GAP43: variants seen among roughly 807,000 people sequenced by gnomAD.
GAP43 encodes growth associated protein 43.
Under a neutral mutation model 18.6 loss-of-function variants are expected in GAP43, and 6 were observed. The observed-to-expected ratio is 0.32, with a 90% CI of 0.18 to 0.64. GAP43 has a LOEUF of 0.64. GAP43 is among the 30% of genes least tolerant of loss of function. The pLI, the probability that GAP43 is intolerant of heterozygous loss-of-function variation, is 0.78. For missense variants in GAP43, 292 were observed against 295.5 expected (o/e 0.99, Z 0.09); for synonymous variants, 115 against 111.4 (o/e 1.03, Z -0.20).
At chr3:115,635,816 G>C (rs779451130) in intron 1 of GAP43, among the ~76,000 whole-genome samples, 1 of 151,776 alleles carries the variant, frequency 6.6e-6, no homozygotes, top group Non-Finnish European at 1.5e-5. Flanking sequence ...TTAGTGGAAC[G>C]AAACTATTGA....
At chr3:115,660,255 C>T (rs1331929358) in intron 1 of GAP43, among the ~76,000 whole-genome samples, 3 of 152,210 alleles carry the variant, frequency 2.0e-5, no homozygotes, top group Admixed American at 1.3e-4. Context: ...TTTGGAGATC[C>T]TCATGTTGTA....
chr3:115,680,343 C>T (rs960415913), intron 2 of GAP43, among the ~76,000 whole-genome samples: 3 of 152,072 alleles, frequency 2.0e-5, no homozygotes, highest in African/African-American at 7.2e-5. Flanking sequence ...GAGGTCCCAG[C>T]CACTCTGGAG....
At chr3:115,717,315 C>CTTT (rs34080211) in intron 2 of GAP43, among the ~76,000 whole-genome samples, 320 of 144,888 alleles carry the variant, frequency 2.2e-3, no homozygotes, top group Admixed American at 0.011. Context: ...ATTTTATTGT[C>CTTT]TTTTTTTTTT....
At chr3:115,663,457 C>T (rs192372306) in intron 1 of GAP43, 1 of 997,582 alleles carries the variant, frequency 1.0e-6, no homozygotes, top group East Asian at 7.0e-5. Flanking sequence ...CTGATGCCCT[C>T]TCCCTCCCTC....
chr3:115,708,391 G>C (rs1228317627), intron 2 of GAP43, among the ~76,000 whole-genome samples: 1 of 152,190 alleles, frequency 6.6e-6, no homozygotes, highest in African/African-American at 2.4e-5. Flanking sequence ...ATCATTGGCT[G>C]GTCTGCCTCC....
chr3:115,673,283 C>A (rs1708837824), intron 1 of GAP43, among the ~76,000 whole-genome samples: 1 of 152,034 alleles, frequency 6.6e-6, no homozygotes, highest in African/African-American at 2.4e-5. Context: ...TTTCTTTATC[C>A]TTGTAGTTTC....
rs1708143290 is a variant in GAP43, at chr3:115,623,694, T to A, written c.5T>A (p.Leu2Gln). ...AAGGCAAGGGACGAGACAACCATGCTGTGCTGTATGAGAAGAACCAAACAG... is the reference window on the plus strand; with the variant it reads ...AAGGCAAGGGACGAGACAACCATGCAGTGCTGTATGAGAAGAACCAAACAG... M[L>Q]CCMRRTKQVE... The change falls in exon 1 of 3, where the codon CTG becomes CAG. Residue 2 changes from leucine (L) to glutamine (Q), a missense_variant. Physicochemically the swap from Leu to Gln is moderately radical, Grantham distance 113. Transcript: ENST00000305124. The A allele has an allele frequency of 6.2e-7, 1 of 1,614,056 alleles. No homozygotes were observed.
intron 2 of GAP43, among the ~76,000 whole-genome samples, chr3:115,683,124 T>TGC (rs112169067): frequency 1.3e-4 from 15 of 113,864 alleles, no homozygotes; most frequent in Middle Eastern, 5.3e-3. Context: ...TACATACATG[T>TGC]GCGCGCGCGT....
chr3:115,711,150 C>T (rs190781651), intron 2 of GAP43, among the ~76,000 whole-genome samples: 134 of 152,218 alleles, frequency 8.8e-4, no homozygotes, highest in South Asian at 4.8e-3. Flanking sequence ...GTATCTCTTA[C>T]GTTCCTCCAA....
At chr3:115,648,333 C>G (rs1012143858) in intron 1 of GAP43, among the ~76,000 whole-genome samples, 5 of 152,092 alleles carry the variant, frequency 3.3e-5, no homozygotes, top group Admixed American at 6.6e-5. Flanking sequence ...CCACTGGGCT[C>G]TTTGTCCTGC....
chr3:115,697,480 G>C (rs1709210772), intron 2 of GAP43, among the ~76,000 whole-genome samples: 1 of 152,204 alleles, frequency 6.6e-6, no homozygotes, highest in East Asian at 1.9e-4. Context: ...ATGACCGGAA[G>C]ATGATGGCCG....
intron 1 of GAP43, among the ~76,000 whole-genome samples, chr3:115,650,674 G>C (rs547276674): frequency 1.3e-5 from 2 of 152,242 alleles, no homozygotes; most frequent in East Asian, 3.9e-4. Context: ...AGATCCACAG[G>C]TGCTTTCTTG....
chr3:115,706,649 C>A (rs941780867), intron 2 of GAP43, among the ~76,000 whole-genome samples: 2 of 152,190 alleles, frequency 1.3e-5, no homozygotes, highest in Non-Finnish European at 2.9e-5. Context: ...TTCTTTGCTG[C>A]CCTTCAAGTT....
chr3:115,683,112 T>C (rs1216819255), intron 2 of GAP43, among the ~76,000 whole-genome samples: 1 of 143,354 alleles, frequency 7.0e-6, no homozygotes, highest in Non-Finnish European at 1.5e-5. Flanking sequence ...TTCTTTTTTC[T>C]CTACATACAT....
intron 2 of GAP43, among the ~76,000 whole-genome samples, chr3:115,719,558 T>G (rs777430433): frequency 6.6e-6 from 1 of 152,230 alleles, no homozygotes; most frequent in East Asian, 1.9e-4. Context: ...CCCTAATAGA[T>G]GACATCTTCC....
chr3:115,698,249 TATA>T (rs1438998339), intron 2 of GAP43, among the ~76,000 whole-genome samples: 2 of 40,462 alleles, frequency 4.9e-5, no homozygotes, highest in Non-Finnish European at 9.0e-5. Context: ...ATATATATAA[TATA>T]TAATATATAT....
chr3:115,689,390 A>C, intron 2 of GAP43, among the ~76,000 whole-genome samples: 1 of 152,190 alleles, frequency 6.6e-6, no homozygotes, highest in East Asian at 1.9e-4. Context: ...ACATCCTCTG[A>C]CTGGCCAATA....
At chr3:115,701,568 C>T (rs1709297585) in intron 2 of GAP43, among the ~76,000 whole-genome samples, 1 of 151,940 alleles carries the variant, frequency 6.6e-6, no homozygotes, top group Non-Finnish European at 1.5e-5. Flanking sequence ...AAGGCCTAGC[C>T]TTATTCTCAT....
chr3:115,703,494 C>A (rs283389), intron 2 of GAP43, among the ~76,000 whole-genome samples: 73,236 of 151,820 alleles, frequency 0.48, 19,136 homozygotes, highest in African/African-American at 0.69. Context: ...GAGGCTGTCC[C>A]TCTGCCTGGG....
Sources: allele counts gnomAD v4.1 joint callset (sites outside exome capture counted in the v4.1 genomes callset), GRCh38; gene constraint gnomAD v4.1.1; transcripts MANE v1.5; gene names NCBI Gene and HGNC (gene_info 2026-07-23, HGNC 2026-07-21).